Variants in FAF2 observed in about 807,000 individuals in gnomAD.
FAF2 encodes Fas associated factor family member 2.
Under a neutral mutation model 62.3 loss-of-function variants are expected in FAF2, and 9 were observed. The observed-to-expected ratio is 0.14, with a 90% CI of 0.09 to 0.25. The LOEUF (loss-of-function observed/expected upper bound fraction) is 0.25, where lower values mean the gene tolerates loss of function less well. FAF2 is among the 10% of genes least tolerant of loss of function. The pLI is 1.00. For synonymous variants in FAF2, 202 were observed against 198.0 expected, an observed-to-expected ratio of 1.02 and a Z score of -0.17; for missense variants, 368 against 556.2, an observed-to-expected ratio of 0.66 and a Z score of 3.40.
chr5:176,507,007 G>A lies in FAF2; in HGVS notation c.*57G>A. ...GTCCCTAAAAGAAATGGGGAAAAAA[G>A]AAAACAACAGCAAGTCAGAAAAAAA... On this transcript the variant is annotated 3_prime_UTR_variant, in exon 11 of 11. Coordinates refer to ENST00000261942, the MANE Select transcript of FAF2 (RefSeq NM_014613.3). 3 of 1,183,654 alleles carry A rather than the reference G, an allele frequency of 2.5e-6. No individual in the cohort carries two copies. The highest frequency in any genetic ancestry group is 2.9e-5 in the South Asian group (1 of 34,602). 73.3% of individuals were successfully genotyped at this position (1,183,654 alleles called of 1,614,324 possible).
Position 176,486,493 on chromosome 5 carries a change from A to C in FAF2, c.267+4A>C. 6.2e-7 allele frequency: 1 copy of C among 1,613,896 alleles called. No homozygotes were observed. The highest frequency in any genetic ancestry group is 8.5e-7 in the Non-Finnish European group (1 of 1,179,966). On this transcript the variant is annotated splice_donor_region_variant and intron_variant, in intron 3 of 10. Coordinates refer to ENST00000261942, the MANE Select transcript of FAF2 (RefSeq NM_014613.3). ...TGTCTCAAGACCTCAACCAAGGGCA[A>C]GTTATTTCATAGCTGGGATTTCCCC... is the stretch of plus-strand genomic sequence containing the variant.
chr5:176,461,373 T>C (rs1042353562), intron 1 of FAF2, among the ~76,000 whole-genome samples: 1 of 143,826 alleles, frequency 7.0e-6, no homozygotes, highest in Admixed American at 7.5e-5. Context: ...AGCTAAAGTA[T>C]AGTAATGTGA....
chr5:176,496,372 TC>T lies in FAF2; in HGVS notation c.662-113del, dbSNP rs369033269. 5.0e-6 allele frequency: 4 copies of T among 795,116 alleles called. No individual in the cohort carries two copies. The African/African-American group carries it at 5.4e-5, about 11-fold the overall frequency. The allele number at this position is 795,116 out of a possible 1,614,324, so 49.3% of individuals were successfully genotyped here. ...AAAAGCGGAGACTAAATGATACCTC[TC>T]GTCTTCCCCAACCAGGATTAAAACA... On this transcript the variant is annotated intron_variant, in intron 7 of 10. Coordinates refer to ENST00000261942, the MANE Select transcript of FAF2 (RefSeq NM_014613.3).
chr5:176,457,890 A>C (rs898153913), intron 1 of FAF2, among the ~76,000 whole-genome samples: 1 of 152,202 alleles, frequency 6.6e-6, no homozygotes, highest in Non-Finnish European at 1.5e-5. Context: ...ATTGGAGTTA[A>C]AGTCACAAAA....
At chr5:176,484,798 G>A (rs886943770) in intron 2 of FAF2, among the ~76,000 whole-genome samples, 5 of 151,860 alleles carry the variant, frequency 3.3e-5, no homozygotes, top group East Asian at 1.9e-4. Context: ...GGCTGAGGCA[G>A]GAGAATCGCT....
intron 1 of FAF2, among the ~76,000 whole-genome samples, chr5:176,464,154 A>G (rs1211095427): frequency 6.6e-6 from 1 of 151,610 alleles, no homozygotes; most frequent in Non-Finnish European, 1.5e-5. Flanking sequence ...ACAGGGTCTC[A>G]CCGTGTTTCC....
intron 1 of FAF2, among the ~76,000 whole-genome samples, chr5:176,471,408 G>A (rs1307241484): frequency 8.2e-6 from 1 of 122,112 alleles, no homozygotes; most frequent in African/African-American, 3.2e-5. Context: ...TTGAGACAGA[G>A]TTTTGCTCTT....
chr5:176,496,350 A>T, intron 7 of FAF2, 136 bp from the exon 8 acceptor site: 1 of 621,650 alleles, frequency 1.6e-6, no homozygotes, highest in Non-Finnish European at 2.5e-6. Context: ...GCGGGGAAAA[A>T]GCGGAGACTA....
At chr5:176,475,517 C>T (rs1758673052) in intron 1 of FAF2, among the ~76,000 whole-genome samples, 1 of 152,158 alleles carries the variant, frequency 6.6e-6, no homozygotes, top group Non-Finnish European at 1.5e-5. Flanking sequence ...TGGCTCACGC[C>T]TGTAATCCCA....
chr5:176,508,343 A>G lies in FAF2; in HGVS notation c.*1393A>G, dbSNP rs1057163249. On this transcript the variant is annotated 3_prime_UTR_variant, in exon 11 of 11. Coordinates refer to ENST00000261942, the MANE Select transcript of FAF2 (RefSeq NM_014613.3). The stretch of plus-strand genomic sequence containing the variant: ...AGCTAGACTGGTGCAGGCTCGTTGT[A>G]CCACTGCAACCGACTGACGTTACTG... 2.0e-5 allele frequency: 3 copies of G among 152,182 alleles called. No individual in the cohort carries two copies. The highest frequency in any genetic ancestry group is 4.4e-5 in the Non-Finnish European group (3 of 68,068). 9.4% of individuals were successfully genotyped at this position (152,182 alleles called of 1,614,324 possible).
In FAF2 at chr5:176,499,041, G is replaced by A. The variant is rs1445168511; in HGVS notation, c.967G>A (p.Glu323Lys). Residue 323 changes from glutamate (E) to lysine (K), a missense_variant, in exon 9 of 11, where the codon GAG becomes AAG. Coordinates refer to ENST00000261942, the MANE Select transcript of FAF2 (RefSeq NM_014613.3). ...EERERKRRKE[E>K]EVQQQKLAEE... ...GCGGGAGCGTAAGCGGCGGAAGGAGGAGGAGGTGCAACAGCAAAAGTTGGC... is the reference window on the plus strand; with the variant it reads ...GCGGGAGCGTAAGCGGCGGAAGGAGAAGGAGGTGCAACAGCAAAAGTTGGC... The A allele has an allele frequency of 6.2e-7, 1 of 1,610,102 alleles. No homozygotes were observed.
chr5:176,494,215 C>T lies in FAF2; in HGVS notation c.601C>T (p.Leu201=). The T allele has an allele frequency of 6.2e-7, 1 of 1,614,136 alleles. No individual in the cohort carries two copies. Among genetic ancestry groups the T allele is most frequent in the Non-Finnish European group, 8.5e-7 (1 of 1,180,014 alleles). The change falls in exon 7 of 11, where the codon CTA becomes TTA. Residue 201 remains leucine, a synonymous_variant. Transcript: ENST00000261942. This position sits in a 1 kb window ranked among gnomAD's most constrained non-coding sequence, Gnocchi z 4.0. ...NTLCAPEVIS[L]INTRMLFWAC... ...ACTCTGTGCACCTGAAGTTATTTCACTAATAAACACTAGGATGCTCTTCTG... is the reference window on the plus strand; with the variant it reads ...ACTCTGTGCACCTGAAGTTATTTCATTAATAAACACTAGGATGCTCTTCTG...
At chr5:176,470,081 T>G (rs901571710) in intron 1 of FAF2, among the ~76,000 whole-genome samples, 1 of 152,182 alleles carries the variant, frequency 6.6e-6, no homozygotes, top group Non-Finnish European at 1.5e-5. Context: ...CAGTCTAGAA[T>G]GGAGAAGAAA....
At chr5:176,452,643 G>T (rs138013459) in intron 1 of FAF2, among the ~76,000 whole-genome samples, 1 of 152,222 alleles carries the variant, frequency 6.6e-6, no homozygotes, top group African/African-American at 2.4e-5. Context: ...TAAAGAAATA[G>T]CTTGCACAAG....
At chr5:176,451,623 A>G (rs928429830) in intron 1 of FAF2, among the ~76,000 whole-genome samples, 4 of 150,298 alleles carry the variant, frequency 2.7e-5, no homozygotes, top group Non-Finnish European at 4.4e-5. Flanking sequence ...TTTCACAAGT[A>G]GTAAGTGGTA....
chr5:176,467,434 G>A (rs1213486969), intron 1 of FAF2, among the ~76,000 whole-genome samples: 2 of 151,880 alleles, frequency 1.3e-5, no homozygotes, highest in Non-Finnish European at 2.9e-5. Context: ...AAGTTTAAGC[G>A]ATTCTTGTGC....
chr5:176,468,541 G>GCCACTGCAT (rs1758510317), intron 1 of FAF2, among the ~76,000 whole-genome samples: 1 of 152,052 alleles, frequency 6.6e-6, no homozygotes, highest in African/African-American at 2.4e-5. Flanking sequence ...CCGAGATCAC[G>GCCACTGCAT]CCACTGCATC....
At chr5:176,457,979 A>T (rs1758305882) in intron 1 of FAF2, among the ~76,000 whole-genome samples, 1 of 152,288 alleles carries the variant, frequency 6.6e-6, no homozygotes, top group African/African-American at 2.4e-5. Flanking sequence ...CTCTGGACTA[A>T]ACTTGTATAA....
intron 4 of FAF2, 112 bp downstream of exon 4, chr5:176,489,139 A>G: frequency 2.8e-6 from 2 of 701,796 alleles, no homozygotes; most frequent in Non-Finnish European, 4.9e-6. Flanking sequence ...TTGTCATGAG[A>G]TGGAATACAC....
Sources: gnomAD v4.1 joint callset for allele counts (sites outside exome capture counted in the v4.1 genomes callset) on GRCh38, gnomAD v4.1.1 for gene constraint, Gnocchi (gnomAD v3.1) non-coding constraint, MANE v1.5 for transcripts, NCBI Gene and HGNC (gene_info 2026-07-23, HGNC 2026-07-21) for gene names.